The following ALG14 variants were observed in gnomAD, a reference collection of about 807,000 sequenced individuals.
The protein encoded by ALG14 is ALG14 UDP-N-acetylglucosaminyltransferase subunit.
Under a neutral mutation model 22.8 loss-of-function variants are expected in ALG14, and 17 were observed. The observed-to-expected ratio is 0.75, with a 90% CI of 0.51 to 1.12. ALG14 has a LOEUF of 1.12. ALG14 is among the 50% of genes most tolerant of loss of function. The probability of loss-of-function intolerance (pLI) is 0.00; values close to 1 mark genes in which losing one functional copy is unlikely to be tolerated. For synonymous variants in ALG14, 89 were observed against 103.7 expected, an observed-to-expected ratio of 0.86 and a Z score of 0.86; for missense variants, 288 against 271.8, an observed-to-expected ratio of 1.06 and a Z score of -0.42.
intron 2 of ALG14, among the ~76,000 whole-genome samples, chr1:95,058,963 T>C (rs1309747755): frequency 6.6e-6 from 1 of 152,048 alleles, no homozygotes. Flanking sequence ...AGAATTCCTT[T>C]AGCCTGACTT....
Position 94,985,289 on chromosome 1 carries a change from A to G in ALG14, c.421-1983T>C, listed in dbSNP as rs74997568. Among the ~76,000 whole-genome samples the G allele has an allele frequency of 5.7e-3, 863 of 152,348 alleles. 4 individuals are homozygous for G. The highest frequency in any genetic ancestry group is 0.02 in the African/African-American group (815 of 41,580). Reference sequence around the variant, plus strand: ...GAATTCCAAAAATCCAATTATTGCCAGGCACTACTAATATTTTGGACTGGA... The same window carrying G: ...GAATTCCAAAAATCCAATTATTGCCGGGCACTACTAATATTTTGGACTGGA... On this transcript the variant is annotated intron_variant, in intron 3 of 3. Transcript: ENST00000370205.
intron 3 of ALG14, among the ~76,000 whole-genome samples, chr1:95,004,215 CTTTTTTT>C (rs869303546): frequency 6.0e-5 from 7 of 117,088 alleles, no homozygotes; most frequent in South Asian, 2.7e-4. Flanking sequence ...GGGTAATTAA[CTTTTTTT>C]TTTTTTTTTT....
At chr1:95,047,667 T>C (rs1674607147) in intron 2 of ALG14, among the ~76,000 whole-genome samples, 1 of 152,124 alleles carries the variant, frequency 6.6e-6, no homozygotes, top group Non-Finnish European at 1.5e-5. Context: ...ATTTCTGTAT[T>C]GTCCAAAGTT....
chr1:94,992,966 TTTA>T (rs1672811209), intron 3 of ALG14, among the ~76,000 whole-genome samples: 2 of 151,836 alleles, frequency 1.3e-5, no homozygotes. Flanking sequence ...TTTTTCAAAC[TTTA>T]AGGGTACTGT....
At chr1:94,990,005 G>A (rs1049589435) in intron 3 of ALG14, among the ~76,000 whole-genome samples, 1 of 152,184 alleles carries the variant, frequency 6.6e-6, no homozygotes, top group Non-Finnish European at 1.5e-5. Context: ...GGCAAAACAT[G>A]GATGGCGACT....
intron 3 of ALG14, among the ~76,000 whole-genome samples, chr1:94,997,611 T>TG (rs2100729734): frequency 1.3e-5 from 2 of 152,270 alleles, no homozygotes; most frequent in South Asian, 4.1e-4. Context: ...TGTGTGACCG[T>TG]GGGGGAATCA....
chr1:94,998,750 G>A (rs1051739682), intron 3 of ALG14, among the ~76,000 whole-genome samples: 2 of 152,124 alleles, frequency 1.3e-5, no homozygotes, highest in East Asian at 1.9e-4. Context: ...TTCACAAAAT[G>A]AGGATAGACA....
intron 2 of ALG14, among the ~76,000 whole-genome samples, chr1:95,055,103 T>C (rs1241230165): frequency 1.3e-5 from 2 of 152,204 alleles, no homozygotes; most frequent in African/African-American, 4.8e-5. Context: ...AAGTATGATT[T>C]AAGGTAAAAC....
rs1672376345 is a variant in ALG14, at chr1:94,975,538, A to ATG, written c.*7536_*7537dup. 6.6e-6 allele frequency: 1 copy of ATG among 152,156 alleles called. No homozygotes were observed. The highest frequency in any genetic ancestry group is 1.9e-4 in the East Asian group (1 of 5,192). The allele number at this position is 152,156 out of a possible 1,614,324, so 9.4% of individuals were successfully genotyped here. A position where few individuals can be genotyped will look rare whatever the true frequency, so the allele number is the denominator to read the frequency against. On this transcript the variant is annotated 3_prime_UTR_variant, in exon 4 of 4. Coordinates refer to ENST00000370205, the MANE Select transcript of ALG14 (RefSeq NM_144988.4). Reference sequence around the variant, plus strand: ...AATTTCTGGGTCATATGATAACCCTATGTTTGATTTTTGTGAAACTGCTGA... The same window carrying ATG: ...AATTTCTGGGTCATATGATAACCCTATGTGTTTGATTTTTGTGAAACTGCTGA...
At chr1:95,049,852 C>T (rs907133838) in intron 2 of ALG14, among the ~76,000 whole-genome samples, 1 of 151,910 alleles carries the variant, frequency 6.6e-6, no homozygotes, top group Non-Finnish European at 1.5e-5. Context: ...GCCTGGGTGA[C>T]AAAGAGAGAT....
intron 2 of ALG14, among the ~76,000 whole-genome samples, chr1:95,058,673 C>T (rs1382960234): frequency 4.9e-5 from 7 of 141,472 alleles, no homozygotes; most frequent in South Asian, 2.2e-4. Context: ...GGAAATATAC[C>T]GTCCATATAA....
intron 2 of ALG14, among the ~76,000 whole-genome samples, chr1:95,048,402 T>C (rs1232941678): frequency 2.0e-5 from 3 of 152,188 alleles, no homozygotes; most frequent in African/African-American, 7.2e-5. Context: ...GGCCAACTCA[T>C]GCTGTAACAG....
At chr1:94,985,257 A>G (rs1439620592) in intron 3 of ALG14, among the ~76,000 whole-genome samples, 1 of 152,138 alleles carries the variant, frequency 6.6e-6, no homozygotes, top group East Asian at 1.9e-4. Context: ...AATCTTTTCA[A>G]TGTTTAGAAT....
chr1:95,066,517 C>G (rs1557658792), intron 1 of ALG14, among the ~76,000 whole-genome samples: 1 of 152,156 alleles, frequency 6.6e-6, no homozygotes, highest in Non-Finnish European at 1.5e-5. Context: ...GCCACCATGC[C>G]AAGCCCACAT....
intron 1 of ALG14, among the ~76,000 whole-genome samples, chr1:95,070,270 C>T (rs544084958): frequency 2.0e-5 from 3 of 152,318 alleles, no homozygotes; most frequent in African/African-American, 7.2e-5. Flanking sequence ...CCATACTTTG[C>T]TGAACCTAAG....
chr1:95,067,753 G>A (rs867076803), intron 1 of ALG14, among the ~76,000 whole-genome samples: 1 of 152,010 alleles, frequency 6.6e-6, no homozygotes, highest in South Asian at 2.1e-4. Flanking sequence ...TCAGTCTATC[G>A]CAACATAACA....
chr1:95,016,945 GTGTGT>G (rs1673512799), intron 3 of ALG14, among the ~76,000 whole-genome samples: 3 of 18,824 alleles, frequency 1.6e-4, no homozygotes, highest in African/African-American at 3.5e-4. Context: ...CAAAAGGGGT[GTGTGT>G]GTGTGTGTGT....
chr1:95,029,217 C>T (rs1437149966), intron 2 of ALG14, among the ~76,000 whole-genome samples: 1 of 152,010 alleles, frequency 6.6e-6, no homozygotes, highest in African/African-American at 2.4e-5. Context: ...CAATGGCTGG[C>T]CATTTAGTGC....
chr1:95,022,283 A>G (rs1288004642), intron 3 of ALG14: 12 of 982,630 alleles, frequency 1.2e-5, no homozygotes, highest in Non-Finnish European at 1.5e-5. Context: ...CATTTAAACT[A>G]AATACCTCAT....
Sources: allele counts gnomAD v4.1 joint callset (sites outside exome capture counted in the v4.1 genomes callset), GRCh38; gene constraint gnomAD v4.1.1; transcripts MANE v1.5; gene names NCBI Gene and HGNC (gene_info 2026-07-23, HGNC 2026-07-21).